The following SH2D4A variants were observed in gnomAD, a reference collection of about 807,000 sequenced individuals.
SH2D4A encodes SH2 domain containing 4A.
A neutral mutation model predicts 64.7 loss-of-function variants in SH2D4A; 70 were observed. That is an observed-to-expected ratio of 1.08 (90% CI 0.89 to 1.32). SH2D4A has a LOEUF of 1.32. SH2D4A is among the 40% of genes most tolerant of loss of function. The probability of loss-of-function intolerance (pLI) is 0.00; values close to 1 mark genes in which losing one functional copy is unlikely to be tolerated. For synonymous variants in SH2D4A, 268 were observed against 200.7 expected (o/e 1.34, Z -2.83); for missense variants, 706 against 540.1 (o/e 1.31, Z -3.04).
At chr8:19,357,108 G>A (rs1330618608) in intron 4 of SH2D4A, 95 bp from the exon 5 acceptor site, 45 of 961,280 alleles carry the variant, frequency 4.7e-5, no homozygotes, top group Non-Finnish European at 6.7e-5. Flanking sequence ...AGGGGCGGGG[G>A]CAGCATTAGG....
chr8:19,378,126 GAATT>G (rs2053227625), intron 8 of SH2D4A, among the ~76,000 whole-genome samples: 1 of 152,210 alleles, frequency 6.6e-6, no homozygotes, highest in Admixed American at 6.5e-5. Context: ...TTTTTCTAAT[GAATT>G]GATTTTTTAT....
At chr8:19,379,516 T>C (rs1360950770) in intron 8 of SH2D4A, among the ~76,000 whole-genome samples, 3 of 152,210 alleles carry the variant, frequency 2.0e-5, no homozygotes, top group African/African-American at 7.2e-5. Context: ...TGCTTTCAGT[T>C]CTTTTGGGTA....
intron 7 of SH2D4A, among the ~76,000 whole-genome samples, chr8:19,371,070 G>A (rs1280302621): frequency 6.6e-6 from 1 of 151,852 alleles, no homozygotes; most frequent in Non-Finnish European, 1.5e-5. Flanking sequence ...TACCTATCTT[G>A]TTATTAAAGT....
At chr8:19,377,639 TC>T (rs2053217845) in intron 8 of SH2D4A, among the ~76,000 whole-genome samples, 2 of 152,168 alleles carry the variant, frequency 1.3e-5, no homozygotes, top group Admixed American at 1.3e-4. Context: ...ACAGGCTCAT[TC>T]ATTTTACCTA....
chr8:19,374,012 A>G (rs1054519340), intron 8 of SH2D4A, among the ~76,000 whole-genome samples: 12 of 152,208 alleles, frequency 7.9e-5, no homozygotes, highest in Non-Finnish European at 1.6e-4. Context: ...AGGGACACAC[A>G]GTCATGGGTG....
chr8:19,368,471 T>G (rs73212513), intron 7 of SH2D4A, among the ~76,000 whole-genome samples: 1 of 152,206 alleles, frequency 6.6e-6, no homozygotes, highest in Non-Finnish European at 1.5e-5. Flanking sequence ...GACTATTAAT[T>G]TTTCTAATCC....
At chr8:19,393,774 C>T (rs193292324) in intron 9 of SH2D4A, among the ~76,000 whole-genome samples, 2 of 152,072 alleles carry the variant, frequency 1.3e-5, no homozygotes, top group African/African-American at 2.4e-5. Flanking sequence ...GCAGAGAATA[C>T]GGGAAATGCT....
At chr8:19,328,462 C>G (rs2052318756) in intron 2 of SH2D4A, among the ~76,000 whole-genome samples, 1 of 152,112 alleles carries the variant, frequency 6.6e-6, no homozygotes, top group Non-Finnish European at 1.5e-5. Context: ...CTGGCATCAT[C>G]TTTGAGTCCT....
At chr8:19,377,916 A>G (rs1249109774) in intron 8 of SH2D4A, among the ~76,000 whole-genome samples, 1 of 152,204 alleles carries the variant, frequency 6.6e-6, no homozygotes, top group African/African-American at 2.4e-5. Flanking sequence ...TTATACCAGT[A>G]TATACTCCTA....
chr8:19,361,918 C>G (rs371308944), intron 6 of SH2D4A, among the ~76,000 whole-genome samples: 1 of 152,166 alleles, frequency 6.6e-6, no homozygotes, highest in Non-Finnish European at 1.5e-5. Context: ...GTGACCCAGC[C>G]TTGACTCCTA....
chr8:19,368,883 A>G (rs1351904192), intron 7 of SH2D4A, among the ~76,000 whole-genome samples: 1 of 152,124 alleles, frequency 6.6e-6, no homozygotes, highest in African/African-American at 2.4e-5. Flanking sequence ...AATAAAAGTG[A>G]TGAAAGTGGA....
chr8:19,371,341 GTATTCTGGGTTGCAT>G (rs1307195200), intron 7 of SH2D4A, among the ~76,000 whole-genome samples: 1 of 151,896 alleles, frequency 6.6e-6, no homozygotes, highest in Non-Finnish European at 1.5e-5. Flanking sequence ...GCTGTGTGCA[GTATTCTGGGTTGCAT>G]TTTTTTTTTC....
rs960180746 is a variant in SH2D4A, at chr8:19,395,563, G to C, written c.*921G>C. ...GGGTGGGCCCCAAATCCAATGACTG[G>C]CATCCTTAGGAGAAGAGAGAGTTTT... On this transcript the variant is annotated 3_prime_UTR_variant, in exon 10 of 10. Transcript: ENST00000265807. The C allele has an allele frequency of 5.3e-5, 8 of 152,200 alleles. No individual in the cohort carries two copies. Among genetic ancestry groups the C allele is most frequent in the African/African-American group, 1.9e-4 (8 of 41,436 alleles). 9.4% of individuals were successfully genotyped at this position (152,200 alleles called of 1,614,324 possible).
intron 7 of SH2D4A, among the ~76,000 whole-genome samples, chr8:19,370,825 G>A (rs1011520930): frequency 2.0e-5 from 3 of 151,910 alleles, no homozygotes; most frequent in Non-Finnish European, 4.4e-5. Flanking sequence ...TATAGTCTTT[G>A]TGGTTAGGCA....
intron 8 of SH2D4A, among the ~76,000 whole-genome samples, chr8:19,383,190 G>T (rs1192562220): frequency 6.6e-6 from 1 of 151,868 alleles, no homozygotes; most frequent in Non-Finnish European, 1.5e-5. Flanking sequence ...ATGTATATTG[G>T]GTCATTTGAT....
intron 7 of SH2D4A, 82 bp from the exon 8 acceptor site, chr8:19,373,442 GTGTATA>G: frequency 1.3e-6 from 1 of 796,342 alleles, no homozygotes. Flanking sequence ...GTATGTGTGT[GTGTATA>G]TATATATATA....
At chr8:19,394,089 C>G (rs556734001) in intron 9 of SH2D4A, among the ~76,000 whole-genome samples, 58 of 152,218 alleles carry the variant, frequency 3.8e-4, no homozygotes, top group African/African-American at 1.3e-3. Flanking sequence ...ATTAGATTTT[C>G]CTAAGGAGCG....
chr8:19,366,347 G>C (rs142901043), intron 7 of SH2D4A, among the ~76,000 whole-genome samples: 1 of 152,248 alleles, frequency 6.6e-6, no homozygotes, highest in East Asian at 1.9e-4. Flanking sequence ...GAAGTATGTA[G>C]TACATTACTG....
chr8:19,349,420 A>C (rs1437936646), intron 4 of SH2D4A, among the ~76,000 whole-genome samples: 2 of 152,264 alleles, frequency 1.3e-5, no homozygotes, highest in African/African-American at 2.4e-5. Context: ...AAAGATTGAT[A>C]GAAATTAGAA....
Sources: allele counts gnomAD v4.1 joint callset (sites outside exome capture counted in the v4.1 genomes callset), GRCh38; gene constraint gnomAD v4.1.1; transcripts MANE v1.5; gene names NCBI Gene and HGNC (gene_info 2026-07-23, HGNC 2026-07-21).